Variants in HBP1 observed in about 807,000 individuals in gnomAD.
HBP1 encodes HMG-box transcription factor 1, also known as HMG box-containing protein 1.
In HBP1, 20 loss-of-function variants were observed where a neutral mutation model predicts 62.6. The observed-to-expected ratio is 0.32, with a 90% confidence interval of 0.22 to 0.46. The LOEUF (loss-of-function observed/expected upper bound fraction) is 0.46. Among genes scored for constraint, HBP1 ranks in the 20% least tolerant of loss-of-function variants. The pLI, the probability that HBP1 is intolerant of heterozygous loss-of-function variation, is 1.00. For missense variants in HBP1, 480 were observed against 611.8 expected (o/e 0.78, Z 2.27); for synonymous variants, 232 against 206.2 (o/e 1.12, Z -1.07).
At chr7:107,194,127 A>G (rs1024998252) in intron 8 of HBP1, among the ~76,000 whole-genome samples, 15 of 152,204 alleles carry the variant, frequency 9.9e-5, no homozygotes, top group African/African-American at 3.4e-4. Flanking sequence ...AGCTGTTTTT[A>G]AAGATACTCT....
rs1004937753 is a variant in HBP1, at chr7:107,189,457, T to C, written c.922+9T>C. 6.3e-7 allele frequency: 1 copy of C among 1,590,400 alleles called. No homozygotes were observed. On this transcript the variant is annotated intron_variant, in intron 7 of 10. Coordinates refer to ENST00000222574, the MANE Select transcript of HBP1 (RefSeq NM_012257.4). ...CTATGTTAAAAATAAAGGTAGGGCTTGAATTGCATTTGTAGTAACTTTTTT... is the reference window on the plus strand; with the variant it reads ...CTATGTTAAAAATAAAGGTAGGGCTCGAATTGCATTTGTAGTAACTTTTTT...
Position 107,171,032 on chromosome 7 carries a change from CAT to C in HBP1, c.-16+1851_-16+1852del, listed in dbSNP as rs1199838775. On this transcript the variant is annotated intron_variant, in intron 1 of 10. Transcript: ENST00000222574. ...ACATGTATATATATAAAATATATAA[CAT>C]ATACATGTATAAATATATATATATA... Among the ~76,000 whole-genome samples the C allele has an allele frequency of 1.5e-4, 18 of 118,142 alleles. 1 individual carries two copies. In the South Asian group the frequency reaches 2.3e-3, roughly 15 times the overall value. 77.5% of individuals were successfully genotyped at this position (118,142 alleles called of 152,430 possible). A position where few individuals can be genotyped will look rare whatever the true frequency, so the allele number is the denominator to read the frequency against.
intron 3 of HBP1, among the ~76,000 whole-genome samples, chr7:107,184,906 C>G (rs912570766): frequency 6.6e-6 from 1 of 152,216 alleles, no homozygotes; most frequent in Non-Finnish European, 1.5e-5. Flanking sequence ...GACAATTATC[C>G]TGATTTGGGA....
chr7:107,189,543 G>C (rs1562895677), intron 7 of HBP1, 95 bp downstream of exon 7: 24 of 936,538 alleles, frequency 2.6e-5, no homozygotes, highest in Middle Eastern at 2.4e-4. Flanking sequence ...GAAAAAATTT[G>C]AGGGGAAAAC....
At chr7:107,188,673 T>C (rs185987878) in intron 6 of HBP1, among the ~76,000 whole-genome samples, 1 of 152,256 alleles carries the variant, frequency 6.6e-6, no homozygotes, top group Non-Finnish European at 1.5e-5. Context: ...AATTCAGGTC[T>C]ATAATAGGTG....
In HBP1 at chr7:107,186,475, A is replaced by AAAAC. The variant is rs758062795; in HGVS notation, c.652+19_652+22dup. 30 of 1,599,594 alleles carry AAAAC rather than the reference A, an allele frequency of 1.9e-5. No individual in the cohort carries two copies. The South Asian group carries it at 2.7e-4, about 14-fold the overall frequency. On this transcript the variant is annotated splice_donor_region_variant and intron_variant, in intron 5 of 10. Transcript: ENST00000222574. ...TGTCTGGCACTGTTTTTTGAAAGGTAAAACAAACAAACAAACAAAAACCTT... is the reference window on the plus strand; with the variant it reads ...TGTCTGGCACTGTTTTTTGAAAGGTAAAACAAACAAACAAACAAACAAAAACCTT...
chr7:107,175,483 C>G (rs1057224329), intron 1 of HBP1, among the ~76,000 whole-genome samples: 3 of 152,100 alleles, frequency 2.0e-5, no homozygotes, highest in Non-Finnish European at 4.4e-5. Context: ...CTATTCTTGT[C>G]TCTAAATAAA....
chr7:107,187,947 A>G (rs898186382), intron 6 of HBP1, among the ~76,000 whole-genome samples: 14 of 152,172 alleles, frequency 9.2e-5, no homozygotes, highest in Admixed American at 7.2e-4. Flanking sequence ...TAATGTCAGC[A>G]GCACCTCCAT....
intron 9 of HBP1, 38 bp from the exon 10 acceptor site, chr7:107,200,121 AT>A: frequency 1.4e-6 from 2 of 1,460,794 alleles, no homozygotes; most frequent in Non-Finnish European, 1.8e-6. Context: ...TTTATGAAAA[AT>A]GTGTGCTTTC....
intron 1 of HBP1, among the ~76,000 whole-genome samples, chr7:107,178,702 G>C (rs774960044): frequency 5.3e-5 from 8 of 152,132 alleles, no homozygotes; most frequent in Non-Finnish European, 7.4e-5. Context: ...TGTAATATAT[G>C]ACCATTTTAA....
intron 8 of HBP1, among the ~76,000 whole-genome samples, chr7:107,195,035 CTTTA>C (rs1044284280): frequency 2.0e-4 from 30 of 152,186 alleles, no homozygotes; most frequent in East Asian, 7.7e-4. Context: ...TTTTAAGTTC[CTTTA>C]TTTGTTTTTT....
At chr7:107,180,499 T>C (rs1797058536) in intron 2 of HBP1, among the ~76,000 whole-genome samples, 1 of 152,206 alleles carries the variant, frequency 6.6e-6, no homozygotes, top group African/African-American at 2.4e-5. Context: ...CCTGGAGATA[T>C]GTGACCTTTA....
At position 107,172,354 on chromosome 7, in the gene HBP1, T is replaced by G. The variant is rs188274734; in HGVS notation, c.-16+3169T>G. The stretch of plus-strand genomic sequence containing the variant: ...GAAGTTTTGATTTCACTTTCTAGTT[T>G]CATCTTAGTTTTGTAAACTCAGTGA... On this transcript the variant is annotated intron_variant, in intron 1 of 10. Coordinates refer to ENST00000222574, the MANE Select transcript of HBP1 (RefSeq NM_012257.4). 7.6e-4 allele frequency among the ~76,000 whole-genome samples: 116 copies of G among 152,302 alleles called. 1 individual carries two copies. Among genetic ancestry groups the G allele is most frequent in the African/African-American group, 2.8e-3 (115 of 41,578 alleles).
chr7:107,189,441 A>G lies in HBP1; in HGVS notation c.915A>G (p.Lys305=). Residue 305 remains lysine (K), a synonymous_variant, in exon 7 of 11, where the codon AAA becomes AAG. Transcript: ENST00000222574. ...AGCTGGACCACCCTTTCTATGTTAA[A>G]AATAAAGGTAGGGCTTGAATTGCAT... is the stretch of plus-strand genomic sequence containing the variant. The part of the protein sequence containing the change: ...ECKLDHPFYV[K]NKGWSSFYPS... 1 of 1,604,626 alleles carries G rather than the reference A, an allele frequency of 6.2e-7. No homozygotes were observed. Among genetic ancestry groups the G allele is most frequent in the Non-Finnish European group, 8.5e-7 (1 of 1,175,728 alleles).
chr7:107,175,875 C>G (rs1431389497), intron 1 of HBP1, among the ~76,000 whole-genome samples: 7 of 151,992 alleles, frequency 4.6e-5, no homozygotes, highest in African/African-American at 1.7e-4. Flanking sequence ...CGCCACCATG[C>G]CTGGCTAATT....
At chr7:107,196,892 G>C (rs1797931854) in intron 9 of HBP1, 1 of 152,380 alleles carries the variant, frequency 6.6e-6, no homozygotes, top group Non-Finnish European at 1.5e-5. Flanking sequence ...CCATCTGCCT[G>C]CCTCCCAAAG....
At chr7:107,195,030 A>G (rs1418008837) in intron 8 of HBP1, among the ~76,000 whole-genome samples, 2 of 152,114 alleles carry the variant, frequency 1.3e-5, no homozygotes, top group Non-Finnish European at 2.9e-5. Context: ...GGGCATTTTA[A>G]GTTCCTTTAT....
intron 1 of HBP1, among the ~76,000 whole-genome samples, chr7:107,176,041 T>C (rs377368984): frequency 1.4e-5 from 2 of 141,494 alleles, no homozygotes; most frequent in African/African-American, 2.5e-5. Context: ...TTTTTTTTTT[T>C]CGGAAATGGA....
rs188335771 is a variant in HBP1 at position 107,175,912 on chromosome 7, T to C, written c.-15-3967T>C. On this transcript the variant is annotated intron_variant, in intron 1 of 10. Coordinates refer to ENST00000222574, the MANE Select transcript of HBP1 (RefSeq NM_012257.4). Reference sequence around the variant, plus strand: ...TTTGTATTTTTAGTAGAGACAGGGTTTCACCATGTTAGCCAGGATGGTCTC... The same window carrying C: ...TTTGTATTTTTAGTAGAGACAGGGTCTCACCATGTTAGCCAGGATGGTCTC... Among the ~76,000 whole-genome samples, 489 of 152,058 alleles carry C rather than the reference T, an allele frequency of 3.2e-3. 2 individuals are homozygous for C. Among genetic ancestry groups the C allele is most frequent in the Middle Eastern group, 0.01 (3 of 292 alleles).
Sources: allele counts gnomAD v4.1 joint callset (sites outside exome capture counted in the v4.1 genomes callset), GRCh38; gene constraint gnomAD v4.1.1; transcripts MANE v1.5; gene names NCBI Gene and HGNC (gene_info 2026-07-23, HGNC 2026-07-21).